Variants in MALRD1 observed in about 807,000 individuals in gnomAD.
The protein encoded by MALRD1 is MAM and LDL-receptor class A domain-containing protein 1.
MALRD1 carries 247 observed loss-of-function variants against 242.1 expected under a neutral mutation model. That is an observed-to-expected ratio of 1.02 (90% CI 0.92 to 1.13). MALRD1 has a LOEUF of 1.13. Ranked by LOEUF, MALRD1 falls within the 50% of genes most tolerant of loss-of-function variation. MALRD1 has a pLI of 0.00. For synonymous variants in MALRD1, 995 were observed against 866.6 expected (o/e 1.15, Z -2.60); for missense variants, 2,989 against 2,533.1 (o/e 1.18, Z -3.86).
Position 19,280,069 on chromosome 10 carries a change from A to G in MALRD1, c.3102A>G (p.Pro1034=). The part of the protein sequence containing the change: ...LYPGNLPADL[P]TPPETSVPVT... ...AAGGTAATTTGCCAGCAGACCTCCC[A>G]ACTCCACCAGAAACGTCAGTTCCTG... Residue 1034 remains proline (P), a synonymous_variant, in exon 20 of 40, where the codon CCA becomes CCG. Coordinates refer to ENST00000454679, the MANE Select transcript of MALRD1 (RefSeq NM_001142308.3). The G allele has an allele frequency of 6.6e-7, 1 of 1,516,698 alleles. No individual in the cohort carries two copies. The highest frequency in any genetic ancestry group is 1.3e-5 in the South Asian group (1 of 78,008). 94.0% of individuals were successfully genotyped at this position (1,516,698 alleles called of 1,614,324 possible).
intron 36 of MALRD1, among the ~76,000 whole-genome samples, chr10:19,682,047 A>G (rs925359427): frequency 2.0e-5 from 3 of 152,078 alleles, no homozygotes; most frequent in Admixed American, 6.5e-5. Flanking sequence ...CTGTGTTAGT[A>G]CTTTATTTTA....
At chr10:19,128,076 A>G (rs777983864) in intron 7 of MALRD1, 145 bp from the exon 8 acceptor site, 36 of 445,876 alleles carry the variant, frequency 8.1e-5, no homozygotes, top group Non-Finnish European at 1.3e-4. Context: ...TAGTTGATGT[A>G]ATCATTTGAA....
At chr10:19,138,177 T>C (rs1027569714) in intron 10 of MALRD1, among the ~76,000 whole-genome samples, 1 of 136,584 alleles carries the variant, frequency 7.3e-6, no homozygotes, top group African/African-American at 2.8e-5. Flanking sequence ...TTAAACCAAG[T>C]AATCGGCTAA....
At chr10:19,225,438 T>C (rs558305852) in intron 18 of MALRD1, among the ~76,000 whole-genome samples, 1 of 152,324 alleles carries the variant, frequency 6.6e-6, no homozygotes, top group Admixed American at 6.5e-5. Flanking sequence ...AGGCTATTTC[T>C]ATACTTTCAT....
At chr10:19,532,745 C>CTA (rs375587127) in intron 32 of MALRD1, among the ~76,000 whole-genome samples, 121,266 of 151,638 alleles carry the variant, frequency 0.8, 48,859 homozygotes, top group Non-Finnish European at 0.85. Context: ...TATCCTGACT[C>CTA]TGTGTCTGTT....
At chr10:19,067,041 C>T (rs750945772) in intron 2 of MALRD1, among the ~76,000 whole-genome samples, 182 bp downstream of exon 2, 1 of 152,050 alleles carries the variant, frequency 6.6e-6, no homozygotes, top group South Asian at 2.1e-4. Flanking sequence ...TTTATGCATT[C>T]TTTAACCAGT....
chr10:19,599,747 A>G (rs934653813), intron 34 of MALRD1, among the ~76,000 whole-genome samples: 1 of 152,130 alleles, frequency 6.6e-6, no homozygotes, highest in Non-Finnish European at 1.5e-5. Context: ...AAAGAGTGTG[A>G]GAGGAGGTTC....
chr10:19,187,426 C>T (rs999207295), intron 14 of MALRD1, among the ~76,000 whole-genome samples: 4 of 152,006 alleles, frequency 2.6e-5, no homozygotes, highest in African/African-American at 9.7e-5. Flanking sequence ...GGTGAGGAAA[C>T]AAGCTTTGAG....
chr10:19,217,079 A>C (rs1588711506), intron 18 of MALRD1, among the ~76,000 whole-genome samples: 1 of 152,332 alleles, frequency 6.6e-6, no homozygotes, highest in African/African-American at 2.4e-5. Context: ...AACCATAGCT[A>C]GTTGCAGTAG....
intron 36 of MALRD1, among the ~76,000 whole-genome samples, chr10:19,626,297 T>TA (rs1839648296): frequency 6.7e-6 from 1 of 149,748 alleles, no homozygotes; most frequent in Non-Finnish European, 1.5e-5. Context: ...AATCAAGATT[T>TA]TTTTTTTTTT....
Position 19,545,430 on chromosome 10 carries a change from T to C in MALRD1, c.5478+14079T>C, listed in dbSNP as rs80264579. On this transcript the variant is annotated intron_variant, in intron 32 of 39. Transcript: ENST00000454679. ...CTTGATTGAAAAAAGCAATCGTGTC[T>C]ATATTGGAAAGATTGGTTGGGTATA... is the stretch of plus-strand genomic sequence containing the variant. Among the ~76,000 whole-genome samples the C allele has an allele frequency of 2.7e-3, 409 of 152,288 alleles. 7 individuals are homozygous for C. In the East Asian group the frequency reaches 0.058, roughly 22 times the overall value.
chr10:19,478,186 C>T (rs1038676480), intron 29 of MALRD1, among the ~76,000 whole-genome samples: 5 of 152,220 alleles, frequency 3.3e-5, no homozygotes, highest in Admixed American at 3.3e-4. Flanking sequence ...CATATCCTTA[C>T]TGCGCATTAT....
At chr10:19,386,791 C>G (rs1490299893) in intron 26 of MALRD1, among the ~76,000 whole-genome samples, 1 of 151,742 alleles carries the variant, frequency 6.6e-6, no homozygotes, top group Non-Finnish European at 1.5e-5. Flanking sequence ...CTCTTTTTTT[C>G]TCTTTTGAGC....
intron 28 of MALRD1, among the ~76,000 whole-genome samples, chr10:19,413,081 T>G (rs1285872290): frequency 6.6e-6 from 1 of 152,160 alleles, no homozygotes; most frequent in African/African-American, 2.4e-5. Flanking sequence ...GAATACCTCC[T>G]ATGTGTAAGG....
At chr10:19,095,049 CA>C (rs1339056290) in intron 4 of MALRD1, among the ~76,000 whole-genome samples, 1 of 151,948 alleles carries the variant, frequency 6.6e-6, no homozygotes, top group Non-Finnish European at 1.5e-5. Context: ...GTTTTTTTAT[CA>C]TCTGTTATTA....
chr10:19,478,901 C>G (rs1689475927), intron 29 of MALRD1, among the ~76,000 whole-genome samples: 1 of 152,168 alleles, frequency 6.6e-6, no homozygotes, highest in Non-Finnish European at 1.5e-5. Flanking sequence ...TTTTTAGCAA[C>G]CATTCTTAAC....
chr10:19,305,347 A>G (rs985124283), intron 21 of MALRD1, among the ~76,000 whole-genome samples: 29 of 151,764 alleles, frequency 1.9e-4, no homozygotes, highest in African/African-American at 6.3e-4. Context: ...TGAAAATTAT[A>G]CGAATAAGAA....
chr10:19,061,905 G>C (rs959990042), intron 1 of MALRD1, among the ~76,000 whole-genome samples: 1 of 152,060 alleles, frequency 6.6e-6, no homozygotes, highest in Non-Finnish European at 1.5e-5. Flanking sequence ...AACAGCACAG[G>C]CAACAAAACA....
At chr10:19,592,692 T>C (rs1171957315) in intron 33 of MALRD1, among the ~76,000 whole-genome samples, 1 of 151,408 alleles carries the variant, frequency 6.6e-6, no homozygotes, top group African/African-American at 2.4e-5. Flanking sequence ...GGAGAAAATT[T>C]TATTTTTGCA....
Sources: allele counts gnomAD v4.1 joint callset (sites outside exome capture counted in the v4.1 genomes callset), GRCh38; gene constraint gnomAD v4.1.1; transcripts MANE v1.5; gene names NCBI Gene and HGNC (gene_info 2026-07-23, HGNC 2026-07-21).